ALOX5AP: variants seen among roughly 807,000 people sequenced by gnomAD.
ALOX5AP encodes the protein arachidonate 5-lipoxygenase-activating protein.
Under a neutral mutation model 18.5 loss-of-function variants are expected in ALOX5AP, and 9 were observed. The ratio of observed to expected loss-of-function variants is 0.49; its 90% CI spans 0.29 to 0.85. The LOEUF (loss-of-function observed/expected upper bound fraction) is 0.85, where lower values mean the gene tolerates loss of function less well. Among genes scored for constraint, ALOX5AP ranks in the 40% least tolerant of loss-of-function variants. ALOX5AP has a pLI of 0.08. For missense variants in ALOX5AP, 172 were observed against 202.5 expected, an observed-to-expected ratio of 0.85 and a Z score of 0.91; for synonymous variants, 81 against 78.6, an observed-to-expected ratio of 1.03 and a Z score of -0.16.
chr13:30,713,839 C>CGGG, exon 1 of ALOX5AP: 1 of 1,453,114 alleles, frequency 6.9e-7, no homozygotes, highest in African/African-American at 1.8e-5. Flanking sequence ...GCCATCAGTG[C>CGGG]TGGTGTGTGT....
intron 1 of ALOX5AP, among the ~76,000 whole-genome samples, chr13:30,720,179 A>G (rs2137786945): frequency 6.6e-6 from 1 of 152,282 alleles, no homozygotes; most frequent in South Asian, 2.1e-4. Context: ...TAATTTTTAA[A>G]TGTGCTTTTG....
At chr13:30,747,328 C>A (rs1951817302) in intron 2 of ALOX5AP, among the ~76,000 whole-genome samples, 1 of 152,152 alleles carries the variant, frequency 6.6e-6, no homozygotes, top group Non-Finnish European at 1.5e-5. Flanking sequence ...AGGCACATGC[C>A]CCCATGCCTG....
chr13:30,747,721 A>G (rs1951820375), intron 2 of ALOX5AP, among the ~76,000 whole-genome samples: 1 of 152,156 alleles, frequency 6.6e-6, no homozygotes, highest in Non-Finnish European at 1.5e-5. Context: ...TTCTTTATAG[A>G]CAGACTTTTG....
At chr13:30,735,366 C>T, upstream of ALOX5AP, 6 of 780,384 alleles carry the variant, frequency 7.7e-6, no homozygotes, top group South Asian at 4.2e-5. Context: ...TTTGCGTGCT[C>T]CTCTGCCAAG....
chr13:30,731,320 C>T (rs897112200), upstream of ALOX5AP, among the ~76,000 whole-genome samples: 12 of 151,990 alleles, frequency 7.9e-5, no homozygotes, highest in Admixed American at 2.6e-4. Context: ...GCCAGACCGG[C>T]CTGGGCTTGA....
intron 1 of ALOX5AP, among the ~76,000 whole-genome samples, chr13:30,729,133 T>A (rs1411544396): frequency 4.6e-5 from 7 of 152,254 alleles, no homozygotes; most frequent in African/African-American, 1.7e-4. Context: ...GTTTTACATT[T>A]TGATGAAGTC....
At chr13:30,757,402 C>T (rs1471273120) in intron 4 of ALOX5AP, among the ~76,000 whole-genome samples, 1 of 152,198 alleles carries the variant, frequency 6.6e-6, no homozygotes, top group Non-Finnish European at 1.5e-5. Flanking sequence ...CTTCATTCCT[C>T]TCTAGTGGCA....
intron 1 of ALOX5AP, among the ~76,000 whole-genome samples, chr13:30,729,118 C>T (rs1425649533): frequency 2.6e-5 from 4 of 151,786 alleles, no homozygotes; most frequent in South Asian, 2.1e-4. Context: ...ATTTGAAGAG[C>T]GGAAGTTTTA....
At chr13:30,722,185 CTT>C (rs1951599497) in intron 1 of ALOX5AP, among the ~76,000 whole-genome samples, 1 of 152,350 alleles carries the variant, frequency 6.6e-6, no homozygotes, top group South Asian at 2.1e-4. Flanking sequence ...ACTTCTTACT[CTT>C]TCTCTTTCCT....
intron 1 of ALOX5AP, among the ~76,000 whole-genome samples, chr13:30,727,011 T>C (rs191752892): frequency 5.9e-5 from 9 of 152,002 alleles, no homozygotes; most frequent in Admixed American, 2.0e-4. Flanking sequence ...TAGTGCATTT[T>C]CTGTTGGATG....
intron 1 of ALOX5AP, among the ~76,000 whole-genome samples, chr13:30,725,943 G>T (rs1951636227): frequency 6.6e-6 from 1 of 152,194 alleles, no homozygotes; most frequent in South Asian, 2.1e-4. Context: ...GTTATGTCCT[G>T]CAGGATGCTT....
At chr13:30,729,987 T>C (rs910723766) in intron 1 of ALOX5AP, among the ~76,000 whole-genome samples, 1 of 152,242 alleles carries the variant, frequency 6.6e-6, no homozygotes, top group Non-Finnish European at 1.5e-5. Context: ...TGTGAGTTTG[T>C]GATGGGAAAA....
intron 1 of ALOX5AP, among the ~76,000 whole-genome samples, chr13:30,721,534 C>A (rs1167960341): frequency 6.6e-6 from 1 of 151,978 alleles, no homozygotes; most frequent in Non-Finnish European, 1.5e-5. Context: ...AATGCACAAA[C>A]TTCTGTCTAA....
At chr13:30,738,996 A>C (rs1951741683) in intron 1 of ALOX5AP, among the ~76,000 whole-genome samples, 1 of 152,132 alleles carries the variant, frequency 6.6e-6, no homozygotes, top group Admixed American at 6.6e-5. Context: ...TTGCCATCCA[A>C]CCTGGGATTT....
upstream of ALOX5AP, among the ~76,000 whole-genome samples, chr13:30,730,606 G>A (rs930973367): frequency 1.3e-5 from 2 of 152,164 alleles, no homozygotes; most frequent in African/African-American, 4.8e-5. Flanking sequence ...GAACAGGGAG[G>A]GCAACCCTGA....
upstream of ALOX5AP, among the ~76,000 whole-genome samples, chr13:30,735,088 G>C (rs904399415): frequency 6.6e-6 from 1 of 152,090 alleles, no homozygotes; most frequent in African/African-American, 2.4e-5. Context: ...TTGGCTCACT[G>C]TAGCCTCAAA....
At position 30,756,034 on chromosome 13, in the gene ALOX5AP, C is replaced by T. The variant is rs763163243; in HGVS notation, c.323+9C>T. 6.2e-6 allele frequency: 10 copies of T among 1,613,158 alleles called. No individual in the cohort carries two copies. The highest frequency in any genetic ancestry group is 7.6e-6 in the Non-Finnish European group (9 of 1,179,148). Reference sequence around the variant, plus strand: ...GGAGAGAGAACGCAGAGGTAGGTAACTGGGACTACTAAAGAACTGTGGAGC... The same window carrying T: ...GGAGAGAGAACGCAGAGGTAGGTAATTGGGACTACTAAAGAACTGTGGAGC... On this transcript the variant is annotated intron_variant, in intron 4 of 4. Coordinates refer to ENST00000380490, the MANE Select transcript of ALOX5AP (RefSeq NM_001629.4).
intron 4 of ALOX5AP, among the ~76,000 whole-genome samples, chr13:30,756,634 C>T (rs1468786299): frequency 6.6e-6 from 1 of 151,844 alleles, no homozygotes; most frequent in Non-Finnish European, 1.5e-5. Flanking sequence ...CATGGTGAAA[C>T]CCCGTCTCTA....
intron 1 of ALOX5AP, among the ~76,000 whole-genome samples, chr13:30,716,682 G>A (rs2137783216): frequency 6.6e-6 from 1 of 152,282 alleles, no homozygotes; most frequent in South Asian, 2.1e-4. Flanking sequence ...AGTGGGAGGG[G>A]ACACAGTCCA....
Sources: gnomAD v4.1 joint callset for allele counts (sites outside exome capture counted in the v4.1 genomes callset) on GRCh38, gnomAD v4.1.1 for gene constraint, MANE v1.5 for transcripts, NCBI Gene and HGNC (gene_info 2026-07-23, HGNC 2026-07-21) for gene names.